Variants in OXR1 observed in about 807,000 individuals in gnomAD.
The protein encoded by OXR1 is oxidation resistance 1, also known as oxidation resistance protein 1.
In OXR1, 41 loss-of-function variants were observed where a neutral mutation model predicts 104.6. The ratio of observed to expected loss-of-function variants is 0.39; its 90% CI spans 0.31 to 0.51. OXR1 has a LOEUF of 0.51. Among genes scored for constraint, OXR1 ranks in the 20% least tolerant of loss-of-function variants. OXR1 has a pLI of 0.77. For missense variants in OXR1, 955 were observed against 1,031.9 expected (o/e 0.93, Z 1.02); for synonymous variants, 348 against 348.4 (o/e 1.00, Z 0.01).
At chr8:106,544,599 C>T (rs368595439) in intron 3 of OXR1, among the ~76,000 whole-genome samples, 199 of 151,916 alleles carry the variant, frequency 1.3e-3, no homozygotes, top group African/African-American at 4.2e-3. Context: ...CATAGCACTA[C>T]GAAAAAGTAT....
At chr8:106,663,326 A>G (rs959556378) in intron 3 of OXR1, among the ~76,000 whole-genome samples, 11 of 152,184 alleles carry the variant, frequency 7.2e-5, no homozygotes, top group Non-Finnish European at 1.5e-4. Flanking sequence ...GAGATAGGGG[A>G]AAAATGTGAG....
chr8:106,630,988 C>T (rs1288229472), intron 3 of OXR1, among the ~76,000 whole-genome samples: 2 of 152,044 alleles, frequency 1.3e-5, no homozygotes, highest in African/African-American at 4.8e-5. Context: ...GGAATAGTTA[C>T]TGGGCATGAA....
intron 3 of OXR1, among the ~76,000 whole-genome samples, chr8:106,540,956 T>C (rs1379295300): frequency 6.6e-6 from 1 of 152,154 alleles, no homozygotes; most frequent in East Asian, 1.9e-4. Flanking sequence ...AAGATGAGAT[T>C]TGGGTGGGGA....
intron 3 of OXR1, among the ~76,000 whole-genome samples, chr8:106,595,469 G>A (rs889534813): frequency 5.5e-5 from 8 of 145,472 alleles, no homozygotes; most frequent in African/African-American, 1.3e-4. Context: ...AGAATCACTC[G>A]AACCCGAGAG....
intron 3 of OXR1, among the ~76,000 whole-genome samples, chr8:106,611,264 G>A (rs1406121523): frequency 1.3e-5 from 2 of 152,218 alleles, no homozygotes; most frequent in Non-Finnish European, 2.9e-5. Context: ...AAGGCTTTAA[G>A]ATAGGAGCAT....
chr8:106,719,108 G>C (rs1191117968), intron 11 of OXR1, among the ~76,000 whole-genome samples: 1 of 152,148 alleles, frequency 6.6e-6, no homozygotes, highest in Admixed American at 6.5e-5. Context: ...TTCAACACAG[G>C]AAGTCAATAA....
chr8:106,454,973 A>G (rs1820524414), intron 2 of OXR1, among the ~76,000 whole-genome samples: 1 of 152,172 alleles, frequency 6.6e-6, no homozygotes, highest in East Asian at 1.9e-4. Flanking sequence ...TGCATGTTGA[A>G]AGATAAGAAC....
chr8:106,489,577 G>T (rs1332886237), intron 2 of OXR1, among the ~76,000 whole-genome samples: 2 of 152,006 alleles, frequency 1.3e-5, no homozygotes, highest in Non-Finnish European at 2.9e-5. Context: ...CCATTTTGAG[G>T]ACTGTATTGA....
chr8:106,344,999 G>C (rs1815418962), intron 1 of OXR1, among the ~76,000 whole-genome samples: 1 of 152,152 alleles, frequency 6.6e-6, no homozygotes, highest in South Asian at 2.1e-4. Context: ...AAACAGCTGT[G>C]CTTCCTTTTG....
At chr8:106,449,225 ACT>A (rs977055354) in intron 2 of OXR1, among the ~76,000 whole-genome samples, 6 of 151,974 alleles carry the variant, frequency 3.9e-5, no homozygotes, top group Non-Finnish European at 7.4e-5. Context: ...ATCACTTTTG[ACT>A]CTTCGTTTAA....
intron 2 of OXR1, among the ~76,000 whole-genome samples, chr8:106,422,204 C>G (rs1818931945): frequency 6.6e-6 from 1 of 152,082 alleles, no homozygotes; most frequent in Non-Finnish European, 1.5e-5. Context: ...TTTCGGAGCA[C>G]TGGCTGAAAA....
intron 2 of OXR1, among the ~76,000 whole-genome samples, chr8:106,508,034 C>G (rs1291761878): frequency 1.3e-5 from 2 of 152,170 alleles, no homozygotes; most frequent in Admixed American, 1.3e-4. Flanking sequence ...TCCTGCTCCC[C>G]CTGGGGCAAT....
At chr8:106,720,690 G>T (rs754364812) in intron 11 of OXR1, 7 of 970,162 alleles carry the variant, frequency 7.2e-6, no homozygotes, top group African/African-American at 1.8e-5. Context: ...CTTCCATCAT[G>T]TTGTGTACTC....
intron 2 of OXR1, among the ~76,000 whole-genome samples, chr8:106,403,939 T>C (rs1160796704): frequency 1.3e-5 from 2 of 152,208 alleles, no homozygotes; most frequent in Admixed American, 6.5e-5. Flanking sequence ...AATCTTGTTA[T>C]AGATCTGCAA....
At chr8:106,688,660 T>C (rs1828982635) in intron 6 of OXR1, among the ~76,000 whole-genome samples, 1 of 152,158 alleles carries the variant, frequency 6.6e-6, no homozygotes, top group Admixed American at 6.5e-5. Flanking sequence ...TTTTAATTAC[T>C]TTAGACTTTT....
At chr8:106,517,678 T>C (rs945092066) in intron 2 of OXR1, among the ~76,000 whole-genome samples, 2 of 152,188 alleles carry the variant, frequency 1.3e-5, no homozygotes, top group Non-Finnish European at 2.9e-5. Context: ...AATGTAGTTA[T>C]AATTTGTATT....
intron 11 of OXR1, among the ~76,000 whole-genome samples, chr8:106,717,344 T>C (rs1180134346): frequency 6.6e-6 from 1 of 152,206 alleles, no homozygotes. Context: ...TGTGCCGTGA[T>C]GTTTTTTATT....
chr8:106,454,781 G>A (rs1372277714), intron 2 of OXR1, among the ~76,000 whole-genome samples: 2 of 152,030 alleles, frequency 1.3e-5, no homozygotes, highest in African/African-American at 4.8e-5. Flanking sequence ...TTTTACTCCA[G>A]ACTATGAGAT....
At position 106,303,282 on chromosome 8, in the gene OXR1, C is replaced by T. The variant is rs182807096; in HGVS notation, c.-139+32915C>T. Among the ~76,000 whole-genome samples the T allele has an allele frequency of 1.9e-3, 218 of 116,828 alleles. 1 individual carries two copies. The highest frequency in any genetic ancestry group is 6.0e-3 in the African/African-American group (187 of 31,184). 76.6% of individuals were successfully genotyped at this position (116,828 alleles called of 152,430 possible). ...TTTTTTTTTTTTTTTGAGTCAGAGT[C>T]TCACTCTGTCACCCAGGCTGGAGTG... On this transcript the variant is annotated intron_variant, in intron 1 of 16. Transcript: ENST00000517566.
Sources: gnomAD v4.1 joint callset for allele counts (sites outside exome capture counted in the v4.1 genomes callset) on GRCh38, gnomAD v4.1.1 for gene constraint, MANE v1.5 for transcripts, NCBI Gene and HGNC (gene_info 2026-07-23, HGNC 2026-07-21) for gene names.